SLC1A2: variants seen among roughly 807,000 people sequenced by gnomAD.
The protein encoded by SLC1A2 is solute carrier family 1 member 2, also known as excitatory amino acid transporter 2.
SLC1A2 carries 15 observed loss-of-function variants against 48.8 expected under a neutral mutation model. The observed-to-expected ratio is 0.31, with a 90% CI of 0.21 to 0.47. SLC1A2 has a LOEUF of 0.47. Among genes scored for constraint, SLC1A2 ranks in the 20% least tolerant of loss-of-function variants. SLC1A2 has a pLI of 0.99. For missense variants in SLC1A2, 502 were observed against 730.5 expected, an observed-to-expected ratio of 0.69 and a Z score of 3.61; for synonymous variants, 279 against 272.6, an observed-to-expected ratio of 1.02 and a Z score of -0.23.
At chr11:35,300,683 G>C (rs1348479378) in intron 6 of SLC1A2, among the ~76,000 whole-genome samples, 2 of 152,144 alleles carry the variant, frequency 1.3e-5, no homozygotes, top group Non-Finnish European at 2.9e-5. Context: ...TAGATGGAAA[G>C]ACAATGACTG....
At chr11:35,297,128 C>T (rs1466393981) in intron 6 of SLC1A2, among the ~76,000 whole-genome samples, 1 of 152,144 alleles carries the variant, frequency 6.6e-6, no homozygotes, top group Admixed American at 6.6e-5. Context: ...GGGCTCTTTG[C>T]TAAACCTTCC....
chr11:35,364,269 C>T (rs1853773347), intron 1 of SLC1A2, among the ~76,000 whole-genome samples: 1 of 152,192 alleles, frequency 6.6e-6, no homozygotes, highest in Non-Finnish European at 1.5e-5. Flanking sequence ...GTGCTGCCCT[C>T]ACAAGGCATT....
In SLC1A2 at chr11:35,419,505, G is replaced by A. The variant is rs1355636284; in HGVS notation, c.-539C>T. 6.3e-6 allele frequency: 1 copy of A among 159,794 alleles called. No individual in the cohort carries two copies. The highest frequency in any genetic ancestry group is 1.4e-5 in the Non-Finnish European group (1 of 72,896). The allele number at this position is 159,794 out of a possible 1,614,324, so 9.9% of individuals were successfully genotyped here. A position where few individuals can be genotyped will look rare whatever the true frequency, so the allele number is the denominator to read the frequency against. ...GATTGCAAGGTTTAGCCCCGCCGGA[G>A]CTGGGGATTTGCAGGCGATCCCTCT... On this transcript the variant is annotated 5_prime_UTR_variant, in exon 1 of 11. Transcript: ENST00000278379. The surrounding 1 kb of genome is among the most constrained non-coding windows in gnomAD (Gnocchi z 5.4).
chr11:35,406,606 A>G (rs1855303650), intron 1 of SLC1A2, among the ~76,000 whole-genome samples: 1 of 152,214 alleles, frequency 6.6e-6, no homozygotes, highest in East Asian at 1.9e-4. Flanking sequence ...CTGAGGTAGA[A>G]ATTAGTAAGC....
chr11:35,326,410 CTG>C (rs796196938), intron 1 of SLC1A2, among the ~76,000 whole-genome samples: 77 of 152,374 alleles, frequency 5.1e-4, no homozygotes, highest in African/African-American at 1.8e-3. Context: ...GTTTCTCAAA[CTG>C]AGCCTTTCCA....
At chr11:35,305,828 G>A (rs943398995) in intron 5 of SLC1A2, among the ~76,000 whole-genome samples, 2 of 152,144 alleles carry the variant, frequency 1.3e-5, no homozygotes, top group Non-Finnish European at 2.9e-5. Context: ...GCCCAATGAC[G>A]GTGAGCTCCC....
chr11:35,407,070 C>T (rs10768133), intron 1 of SLC1A2, among the ~76,000 whole-genome samples: 87,327 of 150,948 alleles, frequency 0.58, 25,564 homozygotes, highest in Middle Eastern at 0.69. Context: ...TTAGAAAGGA[C>T]TTAAAAGGTA....
intron 10 of SLC1A2, among the ~76,000 whole-genome samples, chr11:35,263,282 A>G (rs1358552881): frequency 1.3e-5 from 2 of 152,164 alleles, no homozygotes; most frequent in African/African-American, 2.4e-5. Flanking sequence ...CCTGACCAAC[A>G]TGGAGAAACC....
At chr11:35,359,285 A>C (rs964178608) in intron 1 of SLC1A2, among the ~76,000 whole-genome samples, 1 of 152,232 alleles carries the variant, frequency 6.6e-6, no homozygotes, top group Non-Finnish European at 1.5e-5. Flanking sequence ...AGTAGAGGAC[A>C]TATTCATTAA....
At chr11:35,381,579 A>ACACC (rs1414833163) in intron 1 of SLC1A2, among the ~76,000 whole-genome samples, 1 of 151,810 alleles carries the variant, frequency 6.6e-6, no homozygotes, top group Non-Finnish European at 1.5e-5. Context: ...GAACAGCCCG[A>ACACC]AAAATCTTCA....
chr11:35,372,927 C>G (rs902268687), intron 1 of SLC1A2, among the ~76,000 whole-genome samples: 1 of 152,154 alleles, frequency 6.6e-6, no homozygotes, highest in Admixed American at 6.5e-5. Flanking sequence ...GGTGGGGAAA[C>G]TGAGGCACAG....
intron 9 of SLC1A2, among the ~76,000 whole-genome samples, chr11:35,279,121 A>G (rs1389026314): frequency 6.6e-6 from 1 of 152,252 alleles, no homozygotes; most frequent in Non-Finnish European, 1.5e-5. Context: ...AAGTGTGGGC[A>G]CTTTGGCCTT....
rs1853615713 is a variant in SLC1A2 at position 35,359,890 on chromosome 11, C to A, written c.18-42374G>T. ...TTCAGCCCCTGGGAAAAGCAAGTGTCTTTGCCAAATACCAAAATAGGCTCT... is the reference window on the plus strand; with the variant it reads ...TTCAGCCCCTGGGAAAAGCAAGTGTATTTGCCAAATACCAAAATAGGCTCT... On this transcript the variant is annotated intron_variant, in intron 1 of 10. Coordinates refer to ENST00000278379, the MANE Select transcript of SLC1A2 (RefSeq NM_004171.4). Among the ~76,000 whole-genome samples the A allele has an allele frequency of 1.3e-5, 2 of 152,234 alleles. 1 individual carries two copies. The highest frequency in any genetic ancestry group is 4.1e-4 in the South Asian group (2 of 4,832).
intron 1 of SLC1A2, among the ~76,000 whole-genome samples, chr11:35,387,063 A>G (rs1854605802): frequency 6.6e-6 from 1 of 152,108 alleles, no homozygotes; most frequent in African/African-American, 2.4e-5. Context: ...CACCACACCC[A>G]GTAATCTGCA....
intron 9 of SLC1A2, among the ~76,000 whole-genome samples, chr11:35,276,543 T>C (rs1850446344): frequency 6.6e-6 from 1 of 152,216 alleles, no homozygotes; most frequent in Non-Finnish European, 1.5e-5. Flanking sequence ...AGTGTAAGCA[T>C]GTGAGCACCT....
In SLC1A2 at chr11:35,265,615, A is replaced by G. The variant is rs1176247793; in HGVS notation, c.1565T>C (p.Ile522Thr). 4 of 1,612,856 alleles carry G rather than the reference A, an allele frequency of 2.5e-6. No homozygotes were observed. The East Asian group carries it at 6.7e-5, about 27-fold the overall frequency. Residue 522 changes from isoleucine (I) to threonine (T), a missense_variant, in exon 10 of 11, where the codon ATT (isoleucine) becomes ACT (threonine). Ile to Thr is a moderately conservative substitution (Grantham distance 89). Coordinates refer to ENST00000278379, the MANE Select transcript of SLC1A2 (RefSeq NM_004171.4). ...CCTGTGGTTCTTCATGTCATCATAAATGGATTGAGTCTTGGTCATTTCAAT... is the reference window on the plus strand; with the variant it reads ...CCTGTGGTTCTTCATGTCATCATAAGTGGATTGAGTCTTGGTCATTTCAAT... ...EDIEMTKTQS[I>T]YDDMKNHRES...
intron 1 of SLC1A2, among the ~76,000 whole-genome samples, chr11:35,353,142 A>G (rs1853327087): frequency 6.6e-6 from 1 of 152,174 alleles, no homozygotes; most frequent in African/African-American, 2.4e-5. Flanking sequence ...TTGAAAAACT[A>G]TTATTACATT....
intron 9 of SLC1A2, among the ~76,000 whole-genome samples, chr11:35,266,735 C>T (rs1432573835): frequency 6.6e-6 from 1 of 152,148 alleles, no homozygotes; most frequent in Non-Finnish European, 1.5e-5. Context: ...AAGGAGTTTA[C>T]ATAAAGATGC....
intron 6 of SLC1A2, among the ~76,000 whole-genome samples, chr11:35,296,228 T>C (rs1247058906): frequency 3.3e-5 from 5 of 152,002 alleles, no homozygotes; most frequent in African/African-American, 1.2e-4. Context: ...ACACTTGGAG[T>C]GGAGGTAAGC....
Sources: allele counts gnomAD v4.1 joint callset (sites outside exome capture counted in the v4.1 genomes callset), GRCh38; gene constraint gnomAD v4.1.1; non-coding constraint Gnocchi (gnomAD v3.1); transcripts MANE v1.5; gene names NCBI Gene and HGNC (gene_info 2026-07-23, HGNC 2026-07-21).